The following DRC3 variants were observed in gnomAD, a reference collection of about 807,000 sequenced individuals.
DRC3 encodes the protein leucine rich repeat containing 48.
Under a neutral mutation model 57.6 loss-of-function variants are expected in DRC3, and 45 were observed. The ratio of observed to expected loss-of-function variants is 0.78; its 90% CI spans 0.62 to 1.00. DRC3 has a LOEUF of 1.00. DRC3 is among the 50% of genes least tolerant of loss of function. The probability of loss-of-function intolerance (pLI) is 0.00; values close to 1 mark genes in which losing one functional copy is unlikely to be tolerated. For missense variants in DRC3, 655 were observed against 675.2 expected, an observed-to-expected ratio of 0.97 and a Z score of 0.33; for synonymous variants, 257 against 272.3, an observed-to-expected ratio of 0.94 and a Z score of 0.55.
chr17:17,994,764 A>C (rs971966157), intron 7 of DRC3, among the ~76,000 whole-genome samples: 3 of 152,156 alleles, frequency 2.0e-5, no homozygotes, highest in Non-Finnish European at 2.9e-5. Flanking sequence ...CCCTGAATTC[A>C]TGACTGGACC....
intron 10 of DRC3, chr17:18,004,718 C>G: frequency 1.9e-6 from 1 of 527,106 alleles, no homozygotes; most frequent in Non-Finnish European, 3.4e-6. Context: ...GCTCATTCTT[C>G]TGAAATGGTC....
chr17:18,012,949 C>A (rs1274124846), intron 12 of DRC3, among the ~76,000 whole-genome samples: 1 of 152,102 alleles, frequency 6.6e-6, no homozygotes, highest in Admixed American at 6.5e-5. Context: ...ACAATGAACT[C>A]TAACATCTCA....
In DRC3 at chr17:17,981,043, T is replaced by G. The variant is rs79255686; in HGVS notation, c.161-2785T>G. 730 of 156,030 alleles carry G rather than the reference T, an allele frequency of 4.7e-3. 6 individuals are homozygous for G. Among genetic ancestry groups the G allele is most frequent in the African/African-American group, 0.017 (705 of 41,696 alleles). 9.7% of individuals were successfully genotyped at this position (156,030 alleles called of 1,614,324 possible). ...ACCTCAGGAGCAGCAGCGCTGCCTC[T>G]CCACGCTCCAGGAAACCCTGGCTCC... is the stretch of plus-strand genomic sequence containing the variant. On this transcript the variant is annotated intron_variant, in intron 3 of 13. Coordinates refer to ENST00000399187, the MANE Select transcript of DRC3 (RefSeq NM_031294.4).
chr17:17,983,481 G>A (rs2042810155), intron 3 of DRC3, among the ~76,000 whole-genome samples: 2 of 152,138 alleles, frequency 1.3e-5, no homozygotes, highest in African/African-American at 4.8e-5. Flanking sequence ...TGTGTCCTAA[G>A]GTGGACCAGC....
intron 9 of DRC3, among the ~76,000 whole-genome samples, chr17:18,001,905 G>A (rs540935242): frequency 1.3e-5 from 2 of 152,142 alleles, no homozygotes; most frequent in South Asian, 4.1e-4. Context: ...AGTGGCTTAT[G>A]CATGTAATCC....
rs199972472 is a variant in DRC3, at chr17:17,997,564, G to A, written c.929G>A (p.Arg310His). 485 of 1,610,102 alleles carry A rather than the reference G, an allele frequency of 3.0e-4. No homozygotes were observed. The highest frequency in any genetic ancestry group is 3.8e-4 in the Non-Finnish European group (446 of 1,178,382). ...CTTGACACCTTCAGTGAATGTGTCC[G>A]TGAGGCCATCCAGGAAAACCAGGAG... ...TELDTFSECV[R>H]EAIQENQEQG... The change falls in exon 9 of 14, where the codon CGT (arginine) becomes CAT (histidine). Residue 310 changes from arginine to histidine, a missense_variant. By Grantham distance (29) the Arg-to-His change is conservative. Coordinates refer to ENST00000399187, the MANE Select transcript of DRC3 (RefSeq NM_031294.4).
intron 12 of DRC3, among the ~76,000 whole-genome samples, chr17:18,012,238 C>T (rs142355298): frequency 3.9e-5 from 6 of 152,244 alleles, no homozygotes; most frequent in African/African-American, 9.6e-5. Context: ...TTGACAAAAG[C>T]GCCAAGAACA....
intron 12 of DRC3, among the ~76,000 whole-genome samples, chr17:18,009,129 A>G (rs2044082252): frequency 6.6e-6 from 1 of 152,248 alleles, no homozygotes; most frequent in South Asian, 2.1e-4. Flanking sequence ...TCTCAGGAGG[A>G]AAAAGTATGC....
At chr17:17,987,788 A>C (rs2043030464) in intron 4 of DRC3, 144 bp from the exon 5 acceptor site, 4 of 752,212 alleles carry the variant, frequency 5.3e-6, no homozygotes, top group Non-Finnish European at 8.3e-6. Context: ...AAAAAATCAC[A>C]AACTATTAGA....
At position 18,007,158 on chromosome 17, in the gene DRC3, C is replaced by T. The variant is rs779137795; in HGVS notation, c.1326+11C>T. The T allele has an allele frequency of 6.0e-6, 6 of 993,924 alleles. No individual in the cohort carries two copies. Among genetic ancestry groups the T allele is most frequent in the Non-Finnish European group, 7.1e-6 (5 of 704,800 alleles). 61.6% of individuals were successfully genotyped at this position (993,924 alleles called of 1,614,324 possible). ...AACGACCTGCGCGCGGTAGGCGGGGCGGGCTGCTCGGAGCCTGACAGATGT... is the reference window on the plus strand; with the variant it reads ...AACGACCTGCGCGCGGTAGGCGGGGTGGGCTGCTCGGAGCCTGACAGATGT... On this transcript the variant is annotated intron_variant, in intron 12 of 13. Transcript: ENST00000399187.
At chr17:18,003,864 G>A (rs925917395) in intron 9 of DRC3, among the ~76,000 whole-genome samples, 4 of 150,974 alleles carry the variant, frequency 2.6e-5, no homozygotes, top group Non-Finnish European at 2.9e-5. Flanking sequence ...TGATAGCCAG[G>A]ATGGTCTCAA....
intron 10 of DRC3, 180 bp downstream of exon 10, chr17:18,004,674 A>G (rs996592852): frequency 3.2e-6 from 2 of 616,376 alleles, no homozygotes; most frequent in Non-Finnish European, 5.5e-6. Flanking sequence ...AATCATTTAC[A>G]TTGGAAGTGA....
Position 17,992,871 on chromosome 17 carries a change from A to T in DRC3, c.551A>T (p.Asp184Val). Reference protein sequence around the residue: ...YKMFICAYLPDLMYLDYRRID... With the variant: ...YKMFICAYLPVLMYLDYRRID... ...ATGTTCATCTGTGCCTACCTTCCTGACCTCATGTACCTGGACTACCGGCGC... is the reference window on the plus strand; with the variant it reads ...ATGTTCATCTGTGCCTACCTTCCTGTCCTCATGTACCTGGACTACCGGCGC... The change falls in exon 6 of 14, where the codon GAC becomes GTC. Residue 184 changes from aspartate (D) to valine (V), a missense_variant. By Grantham distance (152) the Asp-to-Val change is radical. Transcript: ENST00000399187. 6.2e-7 allele frequency: 1 copy of T among 1,613,788 alleles called. No individual in the cohort carries two copies. The highest frequency in any genetic ancestry group is 8.5e-7 in the Non-Finnish European group (1 of 1,179,838).
chr17:18,014,258 T>C (rs1316014319), intron 12 of DRC3, among the ~76,000 whole-genome samples: 1 of 152,226 alleles, frequency 6.6e-6, no homozygotes, highest in African/African-American at 2.4e-5. Flanking sequence ...AGAAGTTGCT[T>C]TGAAAGAAAT....
At chr17:17,997,416 G>A in intron 8 of DRC3, 44 bp from the exon 9 acceptor site, 1 of 1,603,028 alleles carries the variant, frequency 6.2e-7, no homozygotes, top group African/African-American at 1.3e-5. Flanking sequence ...GCCCTCCGCA[G>A]CCTGCTCCTG....
intron 9 of DRC3, among the ~76,000 whole-genome samples, chr17:18,000,051 G>A (rs1450831104): frequency 6.8e-6 from 1 of 146,590 alleles, no homozygotes; most frequent in Non-Finnish European, 1.5e-5. Context: ...TGTATGCATA[G>A]CATGCCCTGT....
At chr17:17,982,649 A>ACTGCAAC (rs969806671) in intron 3 of DRC3, among the ~76,000 whole-genome samples, 1 of 140,752 alleles carries the variant, frequency 7.1e-6, no homozygotes, top group Non-Finnish European at 1.5e-5. Context: ...ATCTTGGCTC[A>ACTGCAAC]CTGCAACCTC....
intron 3 of DRC3, among the ~76,000 whole-genome samples, chr17:17,978,340 C>G (rs1021545525): frequency 4.6e-5 from 7 of 152,130 alleles, no homozygotes; most frequent in Non-Finnish European, 1.0e-4. Context: ...ATCCCTGTCT[C>G]GAGCATTGGG....
intron 5 of DRC3, among the ~76,000 whole-genome samples, chr17:17,991,394 G>A (rs973890760): frequency 6.9e-6 from 1 of 144,908 alleles, no homozygotes; most frequent in East Asian, 2.3e-4. Flanking sequence ...GGGTTCAAGC[G>A]ATTCTCCTGC....
Sources: gnomAD v4.1 joint callset for allele counts (sites outside exome capture counted in the v4.1 genomes callset) on GRCh38, gnomAD v4.1.1 for gene constraint, MANE v1.5 for transcripts, NCBI Gene and HGNC (gene_info 2026-07-23, HGNC 2026-07-21) for gene names.